MYLK: variants seen among roughly 807,000 people sequenced by gnomAD.
The protein encoded by MYLK is myosin light chain kinase.
Under a neutral mutation model 203.4 loss-of-function variants are expected in MYLK, and 106 were observed. The ratio of observed to expected loss-of-function variants is 0.52; its 90% CI spans 0.45 to 0.61. The LOEUF is 0.61. Among genes scored for constraint, MYLK ranks in the 20% least tolerant of loss-of-function variants. The pLI, the probability that MYLK is intolerant of heterozygous loss-of-function variation, is 0.00. For synonymous variants in MYLK, 867 were observed against 959.5 expected (o/e 0.90, Z 1.78); for missense variants, 2,072 against 2,442.3 (o/e 0.85, Z 3.20).
At chr3:123,685,623 A>G (rs2060425461) in intron 19 of MYLK, among the ~76,000 whole-genome samples, 1 of 151,830 alleles carries the variant, frequency 6.6e-6, no homozygotes, top group Non-Finnish European at 1.5e-5. Context: ...AAAAAAAAAA[A>G]AAAAAAAAGA....
chr3:123,784,456 T>A (rs535506840), intron 4 of MYLK, among the ~76,000 whole-genome samples: 1 of 142,246 alleles, frequency 7.0e-6, no homozygotes, highest in Middle Eastern at 3.6e-3. Context: ...ATTTGATCCA[T>A]CCATTTTAGG....
In MYLK at chr3:123,667,149, G is replaced by T. The variant is rs767843209; in HGVS notation, c.3691C>A (p.Pro1231Thr). The change falls in exon 21 of 34, where the codon CCT (proline) becomes ACT (threonine). Residue 1231 changes from proline (P) to threonine (T), a missense_variant. Physicochemically the swap from Pro to Thr is conservative, Grantham distance 38. Around this residue, in one of 3 missense-constraint regions of MYLK, gnomAD observed 865 missense variants for 1,016.0 expected, o/e 0.85. Coordinates refer to ENST00000360304, the MANE Select transcript of MYLK (RefSeq NM_053025.4). Reference protein sequence around the residue: ...TVKKKPAPKTPPKAAMPPQII... With the variant: ...TVKKKPAPKTTPKAAMPPQII... Reference sequence around the variant, plus strand: ...CGTGGCCAATTACCTGCCTTCGGAGGTGTCTTGGGGGCAGGTTTCTTTTTC... The same window carrying T: ...CGTGGCCAATTACCTGCCTTCGGAGTTGTCTTGGGGGCAGGTTTCTTTTTC... The T allele has an allele frequency of 6.2e-7, 1 of 1,614,134 alleles. No homozygotes were observed.
At chr3:123,756,160 T>C (rs187494251) in intron 4 of MYLK, among the ~76,000 whole-genome samples, 19 of 152,342 alleles carry the variant, frequency 1.2e-4, no homozygotes, top group Admixed American at 1.0e-3. Context: ...GTTGTCTCCA[T>C]GCCTCATCGT....
rs538500132 is a variant in MYLK, at chr3:123,640,036, A to G, written c.4837+251T>C. Among the ~76,000 whole-genome samples the G allele has an allele frequency of 2.0e-5, 3 of 152,156 alleles. No individual in the cohort carries two copies. In the East Asian group the frequency reaches 5.8e-4, roughly 29 times the overall value. On this transcript the variant is annotated intron_variant, in intron 28 of 33. Coordinates refer to ENST00000360304, the MANE Select transcript of MYLK (RefSeq NM_053025.4). This position sits in a 1 kb window ranked among gnomAD's most constrained non-coding sequence, Gnocchi z 4.3. ...TGCAAAGCACTCTTCCCATCCCTTT[A>G]CCTATATTAACACATTTGATCCTCC... is the stretch of plus-strand genomic sequence containing the variant.
chr3:123,778,768 G>T (rs2064176656), intron 4 of MYLK, among the ~76,000 whole-genome samples: 1 of 152,214 alleles, frequency 6.6e-6, no homozygotes, highest in African/African-American at 2.4e-5. Flanking sequence ...TGCCCCTTGA[G>T]TGGCTCATAG....
chr3:123,722,193 G>A lies in MYLK; in HGVS notation c.1739C>T (p.Thr580Ile). The change falls in exon 13 of 34, where the codon ACC becomes ATC. Residue 580 changes from threonine to isoleucine, a missense_variant. By Grantham distance (89) the Thr-to-Ile change is moderately conservative. Coordinates refer to ENST00000360304, the MANE Select transcript of MYLK (RefSeq NM_053025.4). ...GGCATTCTCAGCTAGGCAGGTGTAGGTGCCATGGTCCTCCGGCAGGGCATC... is the reference window on the plus strand; with the variant it reads ...GGCATTCTCAGCTAGGCAGGTGTAGATGCCATGGTCCTCCGGCAGGGCATC... The part of the protein sequence containing the change: ...IQDALPEDHG[T>I]YTCLAENALG... The A allele has an allele frequency of 2.6e-6, 4 of 1,562,324 alleles. No homozygotes were observed. Among genetic ancestry groups the A allele is most frequent in the Non-Finnish European group, 3.5e-6 (4 of 1,153,018 alleles).
At chr3:123,692,633 T>C (rs1377526957) in intron 19 of MYLK, 102 bp downstream of exon 19, 1 of 962,608 alleles carries the variant, frequency 1.0e-6, no homozygotes, top group Non-Finnish European at 1.7e-6. Context: ...AGGGCAGTGT[T>C]GGAGGCAGTT....
At chr3:123,880,815 T>C (rs1483659285) in intron 1 of MYLK, among the ~76,000 whole-genome samples, 1 of 152,170 alleles carries the variant, frequency 6.6e-6, no homozygotes, top group African/African-American at 2.4e-5. Context: ...GCAGCAACTG[T>C]TGCTGGCTCT....
intron 2 of MYLK, among the ~76,000 whole-genome samples, chr3:123,866,433 T>C (rs2032331616): frequency 6.6e-6 from 1 of 152,228 alleles, no homozygotes. Flanking sequence ...TGATAGGCAT[T>C]ATTTTAGAAT....
In MYLK at chr3:123,756,432, T is replaced by C. The variant is rs577796409; in HGVS notation, c.166-3894A>G. On this transcript the variant is annotated intron_variant, in intron 4 of 33. Coordinates refer to ENST00000360304, the MANE Select transcript of MYLK (RefSeq NM_053025.4). ...GAGAGTCAGTGTGGTACAGAGAGGC[T>C]AGTATGCAAGCCAAGGCCTGCACAC... 3.9e-5 allele frequency among the ~76,000 whole-genome samples: 6 copies of C among 152,282 alleles called. No homozygotes were observed. In the East Asian group the frequency reaches 9.7e-4, roughly 25 times the overall value.
chr3:123,663,949 G>A (rs1308818917), intron 23 of MYLK, among the ~76,000 whole-genome samples, 156 bp downstream of exon 23: 1 of 152,144 alleles, frequency 6.6e-6, no homozygotes, highest in African/African-American at 2.4e-5. Context: ...GGAGTCTGTG[G>A]GTTGCCGTGA....
Position 123,864,803 on chromosome 3 carries a change from G to T in MYLK, c.-127+11756C>A, listed in dbSNP as rs1488000544. ...GCCTGTAGCTCCAGCTACTCGGGAA[G>T]CTAAAAGCAGGAGGATCGTTTGAGC... On this transcript the variant is annotated intron_variant, in intron 2 of 33. Transcript: ENST00000360304. Among the ~76,000 whole-genome samples, 5 of 152,140 alleles carry T rather than the reference G, an allele frequency of 3.3e-5. No individual in the cohort carries two copies. The East Asian group carries it at 9.6e-4, about 29-fold the overall frequency.
chr3:123,710,803 T>G (rs1470675318), intron 13 of MYLK, among the ~76,000 whole-genome samples: 6 of 152,288 alleles, frequency 3.9e-5, no homozygotes, highest in Non-Finnish European at 7.4e-5. Context: ...TCACAATAGC[T>G]GCAAACTAGA....
chr3:123,882,290 C>A (rs1378538175), intron 1 of MYLK, among the ~76,000 whole-genome samples: 2 of 152,132 alleles, frequency 1.3e-5, no homozygotes, highest in African/African-American at 4.8e-5. Flanking sequence ...TGGCACACAC[C>A]TGTAGTCCCT....
chr3:123,680,171 C>T (rs1471440163), intron 20 of MYLK, among the ~76,000 whole-genome samples: 2 of 152,208 alleles, frequency 1.3e-5, no homozygotes, highest in African/African-American at 2.4e-5. Flanking sequence ...ATGGGGTTTC[C>T]ACAGCCTTCT....
At chr3:123,878,062 C>G (rs1190158967) in intron 1 of MYLK, among the ~76,000 whole-genome samples, 2 of 152,160 alleles carry the variant, frequency 1.3e-5, no homozygotes, top group Admixed American at 6.5e-5. Flanking sequence ...ACCCCATTAG[C>G]CAGTCCTTCC....
intron 3 of MYLK, among the ~76,000 whole-genome samples, chr3:123,807,948 C>A (rs1399522277): frequency 6.6e-6 from 1 of 152,246 alleles, no homozygotes; most frequent in African/African-American, 2.4e-5. Flanking sequence ...CCCCTGCCCT[C>A]ACTGCCCTCC....
intron 1 of MYLK, among the ~76,000 whole-genome samples, chr3:123,880,257 A>T (rs1341284337): frequency 6.6e-6 from 1 of 152,178 alleles, no homozygotes; most frequent in African/African-American, 2.4e-5. Flanking sequence ...CAAAGATCAC[A>T]TTCTGCCTGG....
intron 3 of MYLK, among the ~76,000 whole-genome samples, chr3:123,815,456 A>C (rs1414052872): frequency 1.3e-5 from 2 of 152,196 alleles, no homozygotes; most frequent in African/African-American, 4.8e-5. Flanking sequence ...TGAAGTTCAA[A>C]ACGATTGCTA....
Sources: allele counts gnomAD v4.1 joint callset (sites outside exome capture counted in the v4.1 genomes callset), GRCh38; gene constraint gnomAD v4.1.1; regional missense constraint gnomAD v4.1.1; non-coding constraint Gnocchi (gnomAD v3.1); transcripts MANE v1.5; gene names NCBI Gene and HGNC (gene_info 2026-07-23, HGNC 2026-07-21).